Variants in SYN2 observed in about 807,000 individuals in gnomAD.
The protein encoded by SYN2 is synapsin II.
In SYN2, 19 loss-of-function variants were observed where a neutral mutation model predicts 50.9. The ratio of observed to expected loss-of-function variants is 0.37; its 90% CI spans 0.26 to 0.55. The LOEUF (loss-of-function observed/expected upper bound fraction) is 0.55, where lower values mean the gene tolerates loss of function less well. SYN2 is among the 20% of genes least tolerant of loss of function. SYN2 has a pLI of 0.81. For synonymous variants in SYN2, 255 were observed against 224.9 expected (o/e 1.13, Z -1.20); for missense variants, 587 against 576.4 (o/e 1.02, Z -0.19).
chr3:12,050,472 A>G (rs536169566), intron 1 of SYN2, among the ~76,000 whole-genome samples: 1 of 151,168 alleles, frequency 6.6e-6, no homozygotes, highest in African/African-American at 2.4e-5. Context: ...CCGCCTCCCA[A>G]GTAGCTGGGA....
chr3:12,065,018 G>A (rs1695183594), intron 1 of SYN2, among the ~76,000 whole-genome samples: 1 of 152,152 alleles, frequency 6.6e-6, no homozygotes, highest in Non-Finnish European at 1.5e-5. Flanking sequence ...CTCTACAATG[G>A]AATGTCGTTC....
intron 1 of SYN2, among the ~76,000 whole-genome samples, chr3:12,083,106 G>C (rs1695615962): frequency 6.6e-6 from 1 of 152,110 alleles, no homozygotes; most frequent in Admixed American, 6.6e-5. Flanking sequence ...CCACCTCCTG[G>C]ATTCAAGCGA....
At chr3:12,010,090 A>G (rs1204783829) in intron 1 of SYN2, among the ~76,000 whole-genome samples, 1 of 152,138 alleles carries the variant, frequency 6.6e-6, no homozygotes, top group African/African-American at 2.4e-5. Flanking sequence ...GCAAGACTCC[A>G]TCTCCAAAAA....
chr3:12,168,448 T>C lies in SYN2; in HGVS notation c.1128T>C (p.His376=), dbSNP rs1367826724. 3.1e-6 allele frequency: 5 copies of C among 1,613,802 alleles called. No individual in the cohort carries two copies. The Admixed American group carries it at 5.0e-5, about 16-fold the overall frequency. Residue 376 remains histidine, a synonymous_variant, in exon 9 of 13, where the codon CAT becomes CAC. Coordinates refer to ENST00000621198, the MANE Select transcript of SYN2 (RefSeq NM_133625.6). ...GLDICAVKAV[H]GKDGKDYIFE... is the part of the protein sequence containing the mutation. ...ACATCTGTGCTGTCAAAGCTGTACATGGCAAAGATGGGAAAGACTACATTT... is the reference window on the plus strand; with the variant it reads ...ACATCTGTGCTGTCAAAGCTGTACACGGCAAAGATGGGAAAGACTACATTT...
At chr3:12,168,658 G>A (rs759165061) in intron 9 of SYN2, among the ~76,000 whole-genome samples, 180 bp downstream of exon 9, 12 of 152,172 alleles carry the variant, frequency 7.9e-5, no homozygotes, top group Non-Finnish European at 1.6e-4. Flanking sequence ...TGTTGAATAC[G>A]GGTTGATGGG....
At chr3:12,170,615 A>G (rs1303262858) in intron 10 of SYN2, among the ~76,000 whole-genome samples, 1 of 152,134 alleles carries the variant, frequency 6.6e-6, no homozygotes, top group East Asian at 1.9e-4. Context: ...AAGTATCCCC[A>G]AAGTCCACTA....
intron 1 of SYN2, among the ~76,000 whole-genome samples, chr3:12,088,172 G>A (rs544411403): frequency 3.8e-4 from 58 of 151,990 alleles, no homozygotes; most frequent in Middle Eastern, 3.4e-3. Flanking sequence ...TCTGATAAGC[G>A]GTTAATATCC....
chr3:12,105,775 C>T (rs758938394), intron 1 of SYN2, among the ~76,000 whole-genome samples: 2 of 151,970 alleles, frequency 1.3e-5, no homozygotes, highest in Non-Finnish European at 2.9e-5. Context: ...AACACATAGA[C>T]TCTGTTGTAC....
chr3:12,158,728 T>C lies in SYN2; in HGVS notation c.775-2818T>C, dbSNP rs771449410. ...AAGTGCCGAGTGGCAGATGTGCTGCTGAGGGTGCGCCGGGGCGCAGCTGCA... is the reference window on the plus strand; with the variant it reads ...AAGTGCCGAGTGGCAGATGTGCTGCCGAGGGTGCGCCGGGGCGCAGCTGCA... On this transcript the variant is annotated intron_variant, in intron 5 of 12. Coordinates refer to ENST00000621198, the MANE Select transcript of SYN2 (RefSeq NM_133625.6). 7.5e-6 allele frequency: 12 copies of C among 1,609,934 alleles called. No individual in the cohort carries two copies. In the Admixed American group the frequency reaches 1.7e-4, roughly 22 times the overall value.
chr3:12,111,063 T>G (rs1027417710), intron 1 of SYN2, among the ~76,000 whole-genome samples: 1 of 152,042 alleles, frequency 6.6e-6, no homozygotes, highest in Non-Finnish European at 1.5e-5. Flanking sequence ...AATGATATGG[T>G]TTGGCTGTGT....
intron 5 of SYN2, chr3:12,153,240 C>T (rs1216958344): frequency 5.7e-6 from 3 of 524,958 alleles, no homozygotes; most frequent in Non-Finnish European, 1.0e-5. Flanking sequence ...AGGGAATAGT[C>T]CTGGCTTTAG....
Position 12,161,540 on chromosome 3 carries a change from T to C in SYN2, c.775-6T>C. On this transcript the variant is annotated splice_polypyrimidine_tract_variant and splice_region_variant and intron_variant, in intron 5 of 12. Transcript: ENST00000621198. ...GACAGTTTATTCATTTCTCTTCTGATTTCAGCTGACACTGCCCACGTTCCC... is the reference window on the plus strand; with the variant it reads ...GACAGTTTATTCATTTCTCTTCTGACTTCAGCTGACACTGCCCACGTTCCC... The C allele has an allele frequency of 6.2e-7, 1 of 1,614,016 alleles. No individual in the cohort carries two copies. The highest frequency in any genetic ancestry group is 8.5e-7 in the Non-Finnish European group (1 of 1,179,898).
At chr3:12,037,126 T>C (rs776972646) in intron 1 of SYN2, among the ~76,000 whole-genome samples, 27 of 152,254 alleles carry the variant, frequency 1.8e-4, no homozygotes, top group Non-Finnish European at 3.4e-4. Flanking sequence ...TTGCCTTTAC[T>C]GTCCATATTT....
chr3:12,048,379 G>T (rs747088994), intron 1 of SYN2, among the ~76,000 whole-genome samples: 7 of 152,176 alleles, frequency 4.6e-5, no homozygotes, highest in African/African-American at 7.2e-5. Flanking sequence ...TGTTGGCCAG[G>T]CTGGTCTTGA....
rs752359369 is a variant in SYN2, at chr3:12,161,994, G to T, written c.838-18G>T. On this transcript the variant is annotated intron_variant, in intron 6 of 12. Coordinates refer to ENST00000621198, the MANE Select transcript of SYN2 (RefSeq NM_133625.6). ...TGTGTGTCTCCCTTTCCCCCTTTCT[G>T]CCCTGCTCTAACATTAGGTCAAAGT... 9.9e-6 allele frequency: 16 copies of T among 1,613,554 alleles called. No individual in the cohort carries two copies. Among genetic ancestry groups the T allele is most frequent in the Admixed American group, 1.7e-5 (1 of 59,972 alleles).
At chr3:12,123,301 A>T (rs112472230) in intron 1 of SYN2, among the ~76,000 whole-genome samples, 2,105 of 152,340 alleles carry the variant, frequency 0.014, 49 homozygotes, top group African/African-American at 0.048. Flanking sequence ...GTTGCAGAGC[A>T]TCAAAGACAA....
chr3:12,067,145 G>T (rs1695232588), intron 1 of SYN2, among the ~76,000 whole-genome samples: 2 of 152,098 alleles, frequency 1.3e-5, no homozygotes, highest in South Asian at 4.2e-4. Flanking sequence ...TTTGCGTGGG[G>T]ATACAGCCAA....
intron 1 of SYN2, among the ~76,000 whole-genome samples, chr3:12,024,277 C>T (rs538684070): frequency 2.7e-5 from 4 of 150,020 alleles, no homozygotes; most frequent in South Asian, 4.2e-4. Context: ...CTGCCTCAGT[C>T]TCCTAAGTAG....
intron 1 of SYN2, among the ~76,000 whole-genome samples, chr3:12,122,081 A>G (rs947351031): frequency 1.6e-4 from 24 of 152,316 alleles, no homozygotes; most frequent in African/African-American, 5.8e-4. Flanking sequence ...TCACATCTAC[A>G]CAGTATCTTC....
Sources: gnomAD v4.1 joint callset for allele counts (sites outside exome capture counted in the v4.1 genomes callset) on GRCh38, gnomAD v4.1.1 for gene constraint, MANE v1.5 for transcripts, NCBI Gene and HGNC (gene_info 2026-07-23, HGNC 2026-07-21) for gene names.